Variants in TMEM237 observed in about 807,000 individuals in gnomAD.
The protein encoded by TMEM237 is transmembrane protein 237, also known as amyotrophic lateral sclerosis 2 (juvenile) chromosome region, candidate 4.
A neutral mutation model predicts 59.1 loss-of-function variants in TMEM237; 51 were observed. That is an observed-to-expected ratio of 0.86 (90% CI 0.69 to 1.09). TMEM237 has a LOEUF of 1.09. Among genes scored for constraint, TMEM237 ranks in the 50% least tolerant of loss-of-function variants. The pLI is 0.00. For synonymous variants in TMEM237, 140 were observed against 166.1 expected (o/e 0.84, Z 1.21); for missense variants, 475 against 478.3 (o/e 0.99, Z 0.06).
rs1418927646 is a variant in TMEM237, at chr2:201,635,738, G to T, written c.274+1010C>A. Among the ~76,000 whole-genome samples the T allele has an allele frequency of 2.0e-5, 3 of 150,576 alleles. No homozygotes were observed. The East Asian group carries it at 5.8e-4, about 29-fold the overall frequency. On this transcript the variant is annotated intron_variant, in intron 5 of 12. Transcript: ENST00000409883. This position sits in a 1 kb window ranked among gnomAD's most constrained non-coding sequence, Gnocchi z 4.5. ...GATCGCACCATTGCACTCCAGCCTG[G>T]GCTATAAGAGTGAAACTCCATCTTA...
intron 10 of TMEM237, 94 bp from the exon 11 acceptor site, chr2:201,627,508 T>G (rs1957769964): frequency 1.3e-6 from 1 of 771,220 alleles, no homozygotes; most frequent in Non-Finnish European, 2.0e-6. Context: ...TATACTTTCA[T>G]GACTGATGAT....
At chr2:201,627,159 A>G (rs1018569881) in intron 11 of TMEM237, among the ~76,000 whole-genome samples, 162 bp downstream of exon 11, 3 of 152,218 alleles carry the variant, frequency 2.0e-5, no homozygotes, top group African/African-American at 7.2e-5. Context: ...GCAGGTGGAC[A>G]TAACAATAGT....
At chr2:201,633,507 A>T in intron 5 of TMEM237, 76 bp from the exon 6 acceptor site, 1 of 1,168,544 alleles carries the variant, frequency 8.6e-7, no homozygotes, top group Non-Finnish European at 1.1e-6. Flanking sequence ...CTTGTATAAG[A>T]GAAAAGAACT....
In TMEM237 at chr2:201,632,114, A is replaced by G; in HGVS notation, c.490T>C (p.Ser164Pro). Reference protein sequence around the residue: ...TDEQTTVEQQSVFTAPTGISQ... With the variant: ...TDEQTTVEQQPVFTAPTGISQ... ...ATGCCAGTGGGTGCAGTGAATACAG[A>G]CTGCTGTTCCACAGTAGTTTGCTCA... The change falls in exon 7 of 13, where the codon TCT (serine) becomes CCT (proline). Residue 164 changes from serine (S) to proline (P), a missense_variant. Coordinates refer to ENST00000409883, the MANE Select transcript of TMEM237 (RefSeq NM_001044385.3). The G allele has an allele frequency of 6.2e-7, 1 of 1,613,910 alleles. No homozygotes were observed. Among genetic ancestry groups the G allele is most frequent in the Non-Finnish European group, 8.5e-7 (1 of 1,179,838 alleles).
intron 3 of TMEM237, 97 bp from the exon 4 acceptor site, chr2:201,639,142 T>A (rs1165215905): frequency 8.8e-7 from 1 of 1,142,594 alleles, no homozygotes; most frequent in African/African-American, 1.6e-5. Context: ...GAATTCTCCC[T>A]CTCTTCCCTG....
Position 201,623,362 on chromosome 2 carries a change from A to T in TMEM237, c.*893T>A. 1 of 173,278 alleles carries T rather than the reference A, an allele frequency of 5.8e-6. No individual in the cohort carries two copies. Among genetic ancestry groups the T allele is most frequent in the Non-Finnish European group, 1.3e-5 (1 of 78,348 alleles). The allele number at this position is 173,278 out of a possible 1,614,324, so 10.7% of individuals were successfully genotyped here. A position where few individuals can be genotyped will look rare whatever the true frequency, so the allele number is the denominator to read the frequency against. ...CTGAAGAGATCTTTCCCAGTGCAGGACCCATCTCAAGAGGGGGATTTCCTG... is the reference window on the plus strand; with the variant it reads ...CTGAAGAGATCTTTCCCAGTGCAGGTCCCATCTCAAGAGGGGGATTTCCTG... On this transcript the variant is annotated 3_prime_UTR_variant, in exon 13 of 13. Coordinates refer to ENST00000409883, the MANE Select transcript of TMEM237 (RefSeq NM_001044385.3).
At chr2:201,641,504 C>T (rs1687417244) in intron 1 of TMEM237, among the ~76,000 whole-genome samples, 1 of 151,852 alleles carries the variant, frequency 6.6e-6, no homozygotes, top group Non-Finnish European at 1.5e-5. Context: ...AGGCCAGGCC[C>T]TTTTCTAAGC....
At chr2:201,634,575 C>G (rs1687257931) in intron 5 of TMEM237, among the ~76,000 whole-genome samples, 1 of 152,170 alleles carries the variant, frequency 6.6e-6, no homozygotes, top group African/African-American at 2.4e-5. Flanking sequence ...AATTATAAAA[C>G]TAGGTATTGG....
chr2:201,632,927 C>T (rs1395786765), intron 6 of TMEM237, among the ~76,000 whole-genome samples: 1 of 152,128 alleles, frequency 6.6e-6, no homozygotes, highest in East Asian at 1.9e-4. Flanking sequence ...CCCAGTTTTA[C>T]TTATTCCTAA....
At chr2:201,633,503 T>C (rs989392562) in intron 5 of TMEM237, 72 bp from the exon 6 acceptor site, 2 of 1,206,058 alleles carry the variant, frequency 1.7e-6, no homozygotes, top group African/African-American at 3.2e-5. Flanking sequence ...AAGACTTGTA[T>C]AAGAGAAAAG....
At position 201,624,376 on chromosome 2, in the gene TMEM237, C is replaced by T. The variant is rs1456420673; in HGVS notation, c.1160-54G>A. 4 of 1,383,240 alleles carry T rather than the reference C, an allele frequency of 2.9e-6. No homozygotes were observed. The South Asian group carries it at 3.6e-5, about 13-fold the overall frequency. The allele number at this position is 1,383,240 out of a possible 1,614,324, so 85.7% of individuals were successfully genotyped here. A position where few individuals can be genotyped will look rare whatever the true frequency, so the allele number is the denominator to read the frequency against. On this transcript the variant is annotated intron_variant, in intron 12 of 12. Transcript: ENST00000409883. ...TAAAATTGTTTCCCAGTACCTCCAA[C>T]AGAGTTGTATAGCTTATTTATAAAT...
intron 7 of TMEM237, among the ~76,000 whole-genome samples, chr2:201,631,777 T>C (rs1167921295): frequency 2.6e-5 from 4 of 152,178 alleles, no homozygotes; most frequent in African/African-American, 9.6e-5. Flanking sequence ...AATCTTTCCA[T>C]AAAATGAAAA....
rs1687278378 is a variant in TMEM237 at position 201,635,372 on chromosome 2, A to G, written c.274+1376T>C. Among the ~76,000 whole-genome samples, 1 of 152,262 alleles carries G rather than the reference A, an allele frequency of 6.6e-6. No homozygotes were observed. Among genetic ancestry groups the G allele is most frequent in the Non-Finnish European group, 1.5e-5 (1 of 68,050 alleles). On this transcript the variant is annotated intron_variant, in intron 5 of 12. Coordinates refer to ENST00000409883, the MANE Select transcript of TMEM237 (RefSeq NM_001044385.3). The surrounding 1 kb of genome is among the most constrained non-coding windows in gnomAD (Gnocchi z 4.5). ...ATCCTTATAAGAGGGAAATGTGGAC[A>G]CAGACACACAAGGAAAAATGTGAAG...
At chr2:201,641,031 G>A (rs533091911) in intron 1 of TMEM237, 107 bp from the exon 2 acceptor site, 27 of 973,354 alleles carry the variant, frequency 2.8e-5, no homozygotes, top group Admixed American at 4.9e-5. Flanking sequence ...TTGCTGTGTG[G>A]CCCAGGCTGG....
chr2:201,639,698 A>C (rs1217307698), intron 3 of TMEM237, among the ~76,000 whole-genome samples: 2 of 152,190 alleles, frequency 1.3e-5, no homozygotes, highest in Non-Finnish European at 2.9e-5. Context: ...CAGGAGGCTG[A>C]GGCAGGAGAA....
In TMEM237 at chr2:201,624,249, C is replaced by G; in HGVS notation, c.*6G>C. 15 of 1,609,282 alleles carry G rather than the reference C, an allele frequency of 9.3e-6. No individual in the cohort carries two copies. The highest frequency in any genetic ancestry group is 1.3e-5 in the Non-Finnish European group (15 of 1,176,762). On this transcript the variant is annotated 3_prime_UTR_variant, in exon 13 of 13. Coordinates refer to ENST00000409883, the MANE Select transcript of TMEM237 (RefSeq NM_001044385.3). ...GGGTCATTATTCCTCCAAAGGTGAG[C>G]TGGTATTATGAAGAGGCTTTGATTT... is the stretch of plus-strand genomic sequence containing the variant.
chr2:201,635,046 T>C lies in TMEM237; in HGVS notation c.275-1615A>G, dbSNP rs545224644. ...TTTCTAATTATTATAAAAGTCATAA[T>C]GCTCAAAATATAAAAAATTAGTAAA... On this transcript the variant is annotated intron_variant, in intron 5 of 12. Coordinates refer to ENST00000409883, the MANE Select transcript of TMEM237 (RefSeq NM_001044385.3). The surrounding 1 kb of genome is among the most constrained non-coding windows in gnomAD (Gnocchi z 4.5). Among the ~76,000 whole-genome samples, 73 of 152,298 alleles carry C rather than the reference T, an allele frequency of 4.8e-4. No homozygotes were observed. The highest frequency in any genetic ancestry group is 1.7e-3 in the African/African-American group (72 of 41,562).
At chr2:201,626,534 GAAAAAAAAAAAAA>G (rs751155005) in intron 11 of TMEM237, among the ~76,000 whole-genome samples, 1 of 96,030 alleles carries the variant, frequency 1.0e-5, no homozygotes, top group African/African-American at 3.9e-5. Context: ...AGCATTTGGG[GAAAAAAAAAAAAA>G]AAAAAAAAAA....
intron 11 of TMEM237, 136 bp downstream of exon 11, chr2:201,627,185 G>A: frequency 1.7e-6 from 1 of 594,718 alleles, no homozygotes; most frequent in Non-Finnish European, 3.0e-6. Context: ...ATTAACCAAA[G>A]GAATAAGTAT....
Sources: allele counts gnomAD v4.1 joint callset (sites outside exome capture counted in the v4.1 genomes callset), GRCh38; gene constraint gnomAD v4.1.1; non-coding constraint Gnocchi (gnomAD v3.1); transcripts MANE v1.5; gene names NCBI Gene and HGNC (gene_info 2026-07-23, HGNC 2026-07-21).